Variants in DRC9 observed in about 807,000 individuals in gnomAD.
DRC9 encodes the protein dynein regulatory complex subunit 9, also known as dynein regulatory complex protein 9.
chr3:197,950,558 T>C, the DRC9 span: 6 of 329,512 alleles, frequency 1.8e-5, no homozygotes, highest in East Asian at 3.1e-4. Flanking sequence ...GACCAGTCTC[T>C]TTCCTCAGCT....
chr3:197,918,106 T>A, the DRC9 span, among the ~76,000 whole-genome samples: 1 of 150,110 alleles, frequency 6.7e-6, no homozygotes, highest in East Asian at 2.0e-4. Context: ...ATCTTTTTTT[T>A]TTTTTTTTGA....
chr3:197,910,188 T>A, the DRC9 span, among the ~76,000 whole-genome samples: 1 of 152,094 alleles, frequency 6.6e-6, no homozygotes, highest in African/African-American at 2.4e-5. Flanking sequence ...TAGTCCCAGC[T>A]ACTCAGGAGG....
chr3:197,935,469 T>G, the DRC9 span, among the ~76,000 whole-genome samples: 1 of 151,506 alleles, frequency 6.6e-6, no homozygotes, highest in African/African-American at 2.4e-5. Flanking sequence ...AAAAGTAAAT[T>G]TGTGATTTTT....
the DRC9 span, among the ~76,000 whole-genome samples, chr3:197,941,389 T>TTTCCCCTCCCTCCTCTCCCA: frequency 7.6e-4 from 18 of 23,572 alleles, 2 homozygotes; most frequent in East Asian, 0.025. Flanking sequence ...CTCCCCTCCC[T>TTTCCCCTCCCTCCTCTCCCA]TCCCCCTCCC....
the DRC9 span, chr3:197,938,643 A>G: frequency 1.9e-6 from 3 of 1,614,192 alleles, no homozygotes; most frequent in Non-Finnish European, 1.7e-6. Context: ...TAAACTCCAC[A>G]GCGAACCGGC....
chr3:197,960,003 C>T, the DRC9 span: 2 of 561,312 alleles, frequency 3.6e-6, no homozygotes, highest in African/African-American at 3.8e-5. Flanking sequence ...GCCTTTCTTC[C>T]TCCCACAGCC....
At chr3:197,950,181 G>A in the DRC9 span, 1 of 1,231,740 alleles carries the variant, frequency 8.1e-7, no homozygotes, top group Non-Finnish European at 1.0e-6. Context: ...CACGCGGCGG[G>A]GCCTCGTCCT....
the DRC9 span, among the ~76,000 whole-genome samples, chr3:197,948,017 C>G: frequency 6.7e-6 from 1 of 149,738 alleles, no homozygotes; most frequent in Non-Finnish European, 1.5e-5. Context: ...ACTGAAACCT[C>G]CCCCTACCAG....
At chr3:197,904,071 C>CATATATATATATACAT in the DRC9 span, among the ~76,000 whole-genome samples, 2 of 45,976 alleles carry the variant, frequency 4.4e-5, no homozygotes, top group Non-Finnish European at 1.2e-4. Flanking sequence ...TATATACATA[C>CATATATATATATACAT]ATATATATAT....
chr3:197,897,245 A>G, the DRC9 span, among the ~76,000 whole-genome samples: 2 of 152,176 alleles, frequency 1.3e-5, no homozygotes, highest in South Asian at 2.1e-4. Flanking sequence ...AAAAGACTCA[A>G]AAAGAGATAA....
the DRC9 span, among the ~76,000 whole-genome samples, chr3:197,895,021 C>T: frequency 3.9e-5 from 6 of 151,900 alleles, no homozygotes; most frequent in African/African-American, 9.7e-5. Flanking sequence ...TACGCCACTG[C>T]ACTCCAGCCT....
chr3:197,944,828 A>G, the DRC9 span, among the ~76,000 whole-genome samples: 1 of 151,888 alleles, frequency 6.6e-6, no homozygotes, highest in East Asian at 1.9e-4. Flanking sequence ...TGATCTGCCC[A>G]ACTCAGCCTC....
the DRC9 span, chr3:197,925,960 G>C: frequency 1.2e-6 from 1 of 844,598 alleles, no homozygotes; most frequent in African/African-American, 1.7e-5. Context: ...GAGAAAGATG[G>C]CTTCCATATA....
chr3:197,950,450 A>C, the DRC9 span: 3 of 570,070 alleles, frequency 5.3e-6, no homozygotes, highest in Non-Finnish European at 7.4e-6. Flanking sequence ...CCTGGGCCTG[A>C]ACGGAGTGAA....
chr3:197,896,209 A>G, the DRC9 span, among the ~76,000 whole-genome samples: 1 of 151,800 alleles, frequency 6.6e-6, no homozygotes, highest in Non-Finnish European at 1.5e-5. Context: ...TGGGCGTGGC[A>G]GCACATGCCT....
the DRC9 span, among the ~76,000 whole-genome samples, chr3:197,890,420 A>C: frequency 4.7e-5 from 7 of 150,376 alleles, no homozygotes. Context: ...AAAAAAAAAG[A>C]AAAGCACAGA....
At chr3:197,957,746 A>G in the DRC9 span, 1 of 152,266 alleles carries the variant, frequency 6.6e-6, no homozygotes, top group Non-Finnish European at 1.5e-5. Context: ...CACCCACTCC[A>G]AAAGGCCAAC....
chr3:197,936,372 T>C, the DRC9 span, among the ~76,000 whole-genome samples: 4 of 152,270 alleles, frequency 2.6e-5, no homozygotes, highest in South Asian at 8.3e-4. Context: ...TTTTGCTTTT[T>C]AAGTTTTTTT....
At chr3:197,914,778 G>T in the DRC9 span, among the ~76,000 whole-genome samples, 3 of 152,166 alleles carry the variant, frequency 2.0e-5, no homozygotes, top group Non-Finnish European at 4.4e-5. Flanking sequence ...AACAAGGGAG[G>T]AGTACATTAG....
Sources: gnomAD v4.1 joint callset for allele counts (sites outside exome capture counted in the v4.1 genomes callset) on GRCh38, gnomAD v4.1.1 for gene constraint, MANE v1.5 for transcripts, NCBI Gene and HGNC (gene_info 2026-07-23, HGNC 2026-07-21) for gene names.